Variants in ROR2 observed in about 807,000 individuals in gnomAD.
ROR2 encodes the protein ROR family WNT receptor 2.
In ROR2, 33 loss-of-function variants were observed where a neutral mutation model predicts 74.9. The ratio of observed to expected loss-of-function variants is 0.44; its 90% CI spans 0.33 to 0.59. The LOEUF is 0.59. Ranked by LOEUF, ROR2 falls within the 20% of genes least tolerant of loss-of-function variation. The pLI, the probability that ROR2 is intolerant of heterozygous loss-of-function variation, is 0.02. For synonymous variants in ROR2, 586 were observed against 558.7 expected, an observed-to-expected ratio of 1.05 and a Z score of -0.69; for missense variants, 1,216 against 1,313.8, an observed-to-expected ratio of 0.93 and a Z score of 1.15.
intron 1 of ROR2, among the ~76,000 whole-genome samples, chr9:91,918,776 G>A (rs1831199086): frequency 6.6e-6 from 1 of 152,220 alleles, no homozygotes; most frequent in South Asian, 2.1e-4. Flanking sequence ...GGGACAGGAA[G>A]AGCCTACAAA....
chr9:91,737,659 C>T (rs1348513851), intron 4 of ROR2, 141 bp from the exon 5 acceptor site: 1 of 1,120,408 alleles, frequency 8.9e-7, no homozygotes, highest in Non-Finnish European at 1.3e-6. Context: ...AAGTAGAACA[C>T]ATAAGTCACA....
chr9:91,763,624 A>G (rs1176457228), intron 2 of ROR2, among the ~76,000 whole-genome samples: 1 of 152,172 alleles, frequency 6.6e-6, no homozygotes, highest in Non-Finnish European at 1.5e-5. Flanking sequence ...CTGCCTGTTC[A>G]TCTCTCTATT....
chr9:91,737,625 G>A (rs1825078355), intron 4 of ROR2, 107 bp from the exon 5 acceptor site: 1 of 1,451,054 alleles, frequency 6.9e-7, no homozygotes, highest in Non-Finnish European at 9.5e-7. Context: ...TTGTTACTTG[G>A]TATTTATATA....
intron 1 of ROR2, among the ~76,000 whole-genome samples, chr9:91,800,337 C>T (rs111878724): frequency 0.038 from 5,409 of 142,032 alleles, 134 homozygotes; most frequent in Middle Eastern, 0.096. Context: ...AGCAAGACTC[C>T]GTCTCAAAAA....
chr9:91,943,646 GGTT>G (rs1402551204), intron 1 of ROR2, among the ~76,000 whole-genome samples: 6 of 152,150 alleles, frequency 3.9e-5, no homozygotes, highest in African/African-American at 1.4e-4. Context: ...TTTGCTTTCA[GGTT>G]GTTGTTTCTC....
At chr9:91,834,107 G>T (rs1342064043) in intron 1 of ROR2, among the ~76,000 whole-genome samples, 2 of 152,164 alleles carry the variant, frequency 1.3e-5, no homozygotes, top group Non-Finnish European at 2.9e-5. Flanking sequence ...GGGTTCCAAA[G>T]TACATGATCT....
chr9:91,752,567 C>T (rs1380045103), intron 4 of ROR2, among the ~76,000 whole-genome samples: 1 of 152,092 alleles, frequency 6.6e-6, no homozygotes, highest in East Asian at 1.9e-4. Flanking sequence ...TAGTGGGTGC[C>T]TGGGGTAGAA....
At chr9:91,818,976 T>C (rs4743855) in intron 1 of ROR2, among the ~76,000 whole-genome samples, 82,701 of 152,002 alleles carry the variant, frequency 0.54, 26,044 homozygotes, top group African/African-American at 0.88. Context: ...GAAGGATGAC[T>C]CCTTCTTCCA....
intron 1 of ROR2, among the ~76,000 whole-genome samples, chr9:91,831,697 C>T (rs1367748390): frequency 2.6e-5 from 4 of 152,162 alleles, no homozygotes; most frequent in Non-Finnish European, 5.9e-5. Flanking sequence ...ATCCTATAAT[C>T]TCAGCTACTT....
At chr9:91,882,042 T>C (rs577885291) in intron 1 of ROR2, among the ~76,000 whole-genome samples, 23 of 152,256 alleles carry the variant, frequency 1.5e-4, no homozygotes, top group Non-Finnish European at 2.5e-4. Context: ...CTGAGGAGCC[T>C]ACAATTAGGA....
At position 91,794,804 on chromosome 9, in the gene ROR2, AG is replaced by A. The variant is rs534098121; in HGVS notation, c.98-18987del. Among the ~76,000 whole-genome samples the A allele has an allele frequency of 8.5e-5, 13 of 152,272 alleles. No individual in the cohort carries two copies. The South Asian group carries it at 2.7e-3, about 32-fold the overall frequency. ...AATTCTGATTTTAATGAGATTCTCT[AG>A]TTCTCTAAAAATTTTTAAATATTAA... is the stretch of plus-strand genomic sequence containing the variant. On this transcript the variant is annotated intron_variant, in intron 1 of 8. Coordinates refer to ENST00000375708, the MANE Select transcript of ROR2 (RefSeq NM_004560.4).
chr9:91,804,197 C>T (rs1477288632), intron 1 of ROR2, among the ~76,000 whole-genome samples: 1 of 152,164 alleles, frequency 6.6e-6, no homozygotes, highest in African/African-American at 2.4e-5. Context: ...GCAAGCATTG[C>T]CACTATCAAG....
intron 1 of ROR2, among the ~76,000 whole-genome samples, chr9:91,861,711 C>G (rs546773303): frequency 6.6e-6 from 1 of 152,138 alleles, no homozygotes; most frequent in African/African-American, 2.4e-5. Context: ...AGAAATAATA[C>G]CAAAAGACAA....
rs376495215 is a variant in ROR2, at chr9:91,905,221, C to A, written c.97+44646G>T. The stretch of plus-strand genomic sequence containing the variant: ...ACAAACACCACATATACACCAAACA[C>A]CACTCAACACAAACACCACATACAA... On this transcript the variant is annotated intron_variant, in intron 1 of 8. Transcript: ENST00000375708. The surrounding 1 kb of genome is among the most constrained non-coding windows in gnomAD (Gnocchi z 5.3). Among the ~76,000 whole-genome samples, 3,112 of 151,552 alleles carry A rather than the reference C, an allele frequency of 0.021. 110 individuals carry two copies. Among genetic ancestry groups the A allele is most frequent in the African/African-American group, 0.072 (2,957 of 41,276 alleles).
rs1830635168 is a variant in ROR2 at position 91,900,171 on chromosome 9, C to T, written c.97+49696G>A. Among the ~76,000 whole-genome samples, 3 of 152,330 alleles carry T rather than the reference C, an allele frequency of 2.0e-5. No individual in the cohort carries two copies. In the South Asian group the frequency reaches 6.2e-4, roughly 32 times the overall value. ...AGCCTCCCTCCAGTGCTGGGCAGGC[C>T]CCCAGATAAGCTCAGGATGCAGCGG... is the stretch of plus-strand genomic sequence containing the variant. On this transcript the variant is annotated intron_variant, in intron 1 of 8. Coordinates refer to ENST00000375708, the MANE Select transcript of ROR2 (RefSeq NM_004560.4).
At chr9:91,900,953 C>T (rs1273631792) in intron 1 of ROR2, among the ~76,000 whole-genome samples, 1 of 152,176 alleles carries the variant, frequency 6.6e-6, no homozygotes, top group East Asian at 1.9e-4. Context: ...CTATAAATCC[C>T]TTTTCTGGGC....
chr9:91,926,560 A>G (rs1831407447), intron 1 of ROR2, among the ~76,000 whole-genome samples: 1 of 150,552 alleles, frequency 6.6e-6, no homozygotes, highest in African/African-American at 2.5e-5. Context: ...AAAAAAAAAA[A>G]GAAGACATCC....
At chr9:91,834,802 AG>A (rs1387785647) in intron 1 of ROR2, among the ~76,000 whole-genome samples, 13 of 152,374 alleles carry the variant, frequency 8.5e-5, no homozygotes, top group African/African-American at 3.1e-4. Context: ...GCACACACAC[AG>A]GTTTTACCTA....
At chr9:91,750,237 T>C (rs1247156582) in intron 4 of ROR2, among the ~76,000 whole-genome samples, 1 of 152,162 alleles carries the variant, frequency 6.6e-6, no homozygotes, top group Non-Finnish European at 1.5e-5. Context: ...ATGGACAAAG[T>C]GCAGGCTATT....
Sources: gnomAD v4.1 joint callset for allele counts (sites outside exome capture counted in the v4.1 genomes callset) on GRCh38, gnomAD v4.1.1 for gene constraint, Gnocchi (gnomAD v3.1) non-coding constraint, MANE v1.5 for transcripts, NCBI Gene and HGNC (gene_info 2026-07-23, HGNC 2026-07-21) for gene names.